The following INTS4 variants were observed in gnomAD, a reference collection of about 807,000 sequenced individuals.
The protein encoded by INTS4 is MSTP093.
A neutral mutation model predicts 119.5 loss-of-function variants in INTS4; 70 were observed. That is an observed-to-expected ratio of 0.59 (90% CI 0.48 to 0.71). The LOEUF (loss-of-function observed/expected upper bound fraction) is 0.71, where lower values mean the gene tolerates loss of function less well. Among genes scored for constraint, INTS4 ranks in the 30% least tolerant of loss-of-function variants. The pLI is 0.00. For missense variants in INTS4, 867 were observed against 1,173.2 expected, an observed-to-expected ratio of 0.74 and a Z score of 3.81; for synonymous variants, 316 against 419.6, an observed-to-expected ratio of 0.75 and a Z score of 3.02.
chr11:77,924,672 A>G lies in INTS4; in HGVS notation c.1514+78T>C, dbSNP rs1953451103. ...CAGGGCCGTACTATCCTCAATCTAT[A>G]AGGACGGAACAAATGTCAGCATTAT... On this transcript the variant is annotated intron_variant, in intron 12 of 22. Transcript: ENST00000534064. The G allele has an allele frequency of 7.3e-6, 10 of 1,376,682 alleles. No individual in the cohort carries two copies. The South Asian group carries it at 1.3e-4, about 17-fold the overall frequency. The allele number at this position is 1,376,682 out of a possible 1,614,324, so 85.3% of individuals were successfully genotyped here. A position where few individuals can be genotyped will look rare whatever the true frequency, so the allele number is the denominator to read the frequency against.
intron 22 of INTS4, 144 bp from the exon 23 acceptor site, chr11:77,879,271 A>T (rs1951699723): frequency 2.4e-6 from 2 of 819,992 alleles, no homozygotes; most frequent in African/African-American, 3.5e-5. Context: ...ACCCTCACCA[A>T]ACAAAACACT....
At chr11:77,895,429 G>A (rs1394774051) in intron 18 of INTS4, among the ~76,000 whole-genome samples, 37 of 145,280 alleles carry the variant, frequency 2.5e-4, no homozygotes, top group African/African-American at 9.4e-4. Context: ...ACAGGCAGCA[G>A]TCAATAAGTA....
chr11:77,905,275 G>A (rs1256071445), intron 16 of INTS4, among the ~76,000 whole-genome samples: 1 of 152,064 alleles, frequency 6.6e-6, no homozygotes, highest in Non-Finnish European at 1.5e-5. Flanking sequence ...TGACCAACAT[G>A]GCAAAACCCT....
At chr11:77,902,249 C>T (rs1324506767) in intron 17 of INTS4, among the ~76,000 whole-genome samples, 2 of 151,962 alleles carry the variant, frequency 1.3e-5, no homozygotes, top group African/African-American at 4.8e-5. Context: ...GAAACAGTAC[C>T]AATATCATGA....
chr11:77,981,944 T>C (rs1246987158), intron 2 of INTS4, among the ~76,000 whole-genome samples: 1 of 151,926 alleles, frequency 6.6e-6, no homozygotes, highest in African/African-American at 2.4e-5. Context: ...TATCTTCTAA[T>C]AAAAAACGTG....
chr11:77,982,998 G>A (rs1438997384), intron 2 of INTS4, among the ~76,000 whole-genome samples: 2 of 152,160 alleles, frequency 1.3e-5, no homozygotes, highest in Non-Finnish European at 2.9e-5. Flanking sequence ...ACTTTCTTGG[G>A]AACTTACCTT....
intron 8 of INTS4, among the ~76,000 whole-genome samples, chr11:77,953,348 C>G (rs1168012778): frequency 1.3e-5 from 2 of 152,152 alleles, no homozygotes; most frequent in African/African-American, 4.8e-5. Context: ...TATACTATGC[C>G]CCCACCCACC....
Position 77,961,119 on chromosome 11 carries a change from T to G in INTS4, c.491A>C (p.His164Pro), listed in dbSNP as rs754298237. The part of the protein sequence containing the change: ...VACKHLTDTS[H>P]GVRNKCLQLL... ...CTGCAGGCACTTATTTCTTACACCA[T>G]GAGACGTATCTGTCAGATGCTATTA... The change falls in exon 5 of 23, where the codon CAT becomes CCT. Residue 164 changes from histidine to proline, a missense_variant. This residue lies in a region of INTS4 where 224 missense variants were observed against 231.8 expected (regional missense o/e 0.97). Coordinates refer to ENST00000534064, the MANE Select transcript of INTS4 (RefSeq NM_033547.4). The G allele has an allele frequency of 1.9e-6, 3 of 1,566,888 alleles. No homozygotes were observed. The highest frequency in any genetic ancestry group is 2.6e-6 in the Non-Finnish European group (3 of 1,161,998).
chr11:77,990,976 G>A, intron 2 of INTS4, 132 bp downstream of exon 2: 1 of 722,954 alleles, frequency 1.4e-6, no homozygotes, highest in Non-Finnish European at 2.3e-6. Context: ...GGTATCCATA[G>A]TACCTAGCAC....
chr11:77,943,373 T>G (rs1424889894), intron 8 of INTS4, among the ~76,000 whole-genome samples: 1 of 152,210 alleles, frequency 6.6e-6, no homozygotes, highest in East Asian at 1.9e-4. Flanking sequence ...TGTCTATTAC[T>G]GCAGGACCAG....
chr11:77,881,720 A>G (rs1951799492), intron 22 of INTS4, among the ~76,000 whole-genome samples: 1 of 152,242 alleles, frequency 6.6e-6, no homozygotes, highest in African/African-American at 2.4e-5. Flanking sequence ...ATGGAGATAC[A>G]GAGGCAAAGA....
At chr11:77,913,783 G>A (rs1195037900) in intron 15 of INTS4, among the ~76,000 whole-genome samples, 6 of 152,198 alleles carry the variant, frequency 3.9e-5, no homozygotes, top group Non-Finnish European at 7.3e-5. Context: ...TTAAATGGCT[G>A]TTTGGATTAC....
downstream of INTS4, among the ~76,000 whole-genome samples, chr11:77,874,854 T>C (rs563016354): frequency 2.0e-5 from 3 of 152,222 alleles, no homozygotes; most frequent in Admixed American, 2.0e-4. Context: ...CTGGCCAACA[T>C]GGTGAAACCC....
chr11:77,903,411 C>T (rs1565234317), intron 17 of INTS4, 129 bp downstream of exon 17: 1 of 1,605,326 alleles, frequency 6.2e-7, no homozygotes, highest in Non-Finnish European at 8.5e-7. Context: ...TACAAAGGGG[C>T]AGCTACATGC....
intron 22 of INTS4, 131 bp downstream of exon 22, chr11:77,883,701 T>A: frequency 1.0e-6 from 1 of 982,712 alleles, no homozygotes; most frequent in Non-Finnish European, 1.5e-6. Context: ...GCTTATAAAC[T>A]CATTAAGTTC....
intron 7 of INTS4, among the ~76,000 whole-genome samples, chr11:77,958,085 A>G (rs183200945): frequency 6.6e-6 from 1 of 152,250 alleles, no homozygotes; most frequent in East Asian, 1.9e-4. Context: ...TCTAAGTCCT[A>G]AAACACTACA....
chr11:77,914,796 T>A (rs758881227), intron 15 of INTS4, among the ~76,000 whole-genome samples: 4 of 152,198 alleles, frequency 2.6e-5, no homozygotes, highest in Non-Finnish European at 5.9e-5. Context: ...TGGGGACTCC[T>A]AGTTTAGAGT....
intron 4 of INTS4, among the ~76,000 whole-genome samples, chr11:77,970,328 G>A (rs1177753657): frequency 6.6e-6 from 1 of 152,036 alleles, no homozygotes; most frequent in Non-Finnish European, 1.5e-5. Flanking sequence ...GAACCCAGGA[G>A]GCAGAGGTTG....
At chr11:77,874,716 G>T (rs918124235), downstream of INTS4, among the ~76,000 whole-genome samples, 4 of 152,116 alleles carry the variant, frequency 2.6e-5, no homozygotes, top group African/African-American at 7.2e-5. Flanking sequence ...GCTGCCCACA[G>T]GTCATTTCTT....
Sources: allele counts gnomAD v4.1 joint callset (sites outside exome capture counted in the v4.1 genomes callset), GRCh38; gene constraint gnomAD v4.1.1; regional missense constraint gnomAD v4.1.1; transcripts MANE v1.5; gene names NCBI Gene and HGNC (gene_info 2026-07-23, HGNC 2026-07-21).